SYBU: variants seen among roughly 807,000 people sequenced by gnomAD.
The protein encoded by SYBU is syntabulin.
SYBU carries 21 observed loss-of-function variants against 35.9 expected under a neutral mutation model. The ratio of observed to expected loss-of-function variants is 0.58; its 90% CI spans 0.41 to 0.84. The LOEUF (loss-of-function observed/expected upper bound fraction) is 0.84, where lower values mean the gene tolerates loss of function less well. Among genes scored for constraint, SYBU ranks in the 40% least tolerant of loss-of-function variants. The probability of loss-of-function intolerance (pLI) is 0.00; values close to 1 mark genes in which losing one functional copy is unlikely to be tolerated. For missense variants in SYBU, 768 were observed against 848.2 expected, an observed-to-expected ratio of 0.91 and a Z score of 1.17; for synonymous variants, 319 against 324.3, an observed-to-expected ratio of 0.98 and a Z score of 0.18.
intron 1 of SYBU, among the ~76,000 whole-genome samples, chr8:109,672,982 G>T (rs1158022274): frequency 6.6e-6 from 1 of 152,210 alleles, no homozygotes; most frequent in Non-Finnish European, 1.5e-5. Flanking sequence ...GCCTCTTTGG[G>T]TTCCTCCTCT....
At chr8:109,685,088 C>T (rs1168395367), upstream of SYBU, among the ~76,000 whole-genome samples, 2 of 152,172 alleles carry the variant, frequency 1.3e-5, no homozygotes, top group Admixed American at 1.3e-4. Flanking sequence ...GGCTGAGTTT[C>T]ATTCTGAATT....
intron 1 of SYBU, among the ~76,000 whole-genome samples, chr8:109,653,793 C>G (rs1158818521): frequency 6.6e-6 from 1 of 152,084 alleles, no homozygotes; most frequent in Non-Finnish European, 1.5e-5. Context: ...CAATCTCCTG[C>G]CTCCAAACCT....
intron 3 of SYBU, among the ~76,000 whole-genome samples, chr8:109,599,050 C>G (rs1249974303): frequency 6.6e-6 from 1 of 152,174 alleles, no homozygotes; most frequent in Non-Finnish European, 1.5e-5. Flanking sequence ...ACCCTCACCC[C>G]CCATCCCACC....
At chr8:109,617,788 CT>C (rs1208833679) in intron 3 of SYBU, among the ~76,000 whole-genome samples, 1 of 152,160 alleles carries the variant, frequency 6.6e-6, no homozygotes, top group Non-Finnish European at 1.5e-5. Flanking sequence ...TAGAGGATTT[CT>C]TTTTCACAGT....
chr8:109,586,329 G>C, intron 3 of SYBU, 167 bp from the exon 4 acceptor site: 1 of 595,924 alleles, frequency 1.7e-6, no homozygotes, highest in Admixed American at 3.0e-5. Context: ...GCAGTCAAGA[G>C]AAGGCCCAGT....
At chr8:109,588,328 G>A (rs1368017147) in intron 3 of SYBU, among the ~76,000 whole-genome samples, 1 of 152,154 alleles carries the variant, frequency 6.6e-6, no homozygotes, top group Non-Finnish European at 1.5e-5. Flanking sequence ...GAACTGAAAG[G>A]ACAACTTTGT....
chr8:109,690,888 T>G (rs940472567), intron 1 of SYBU, among the ~76,000 whole-genome samples: 2 of 152,120 alleles, frequency 1.3e-5, no homozygotes, highest in African/African-American at 4.8e-5. Flanking sequence ...CTTGGGACTG[T>G]CTCCCTCTTT....
In SYBU at chr8:109,618,854, G is replaced by A. The variant is rs764957865; in HGVS notation, c.415C>T (p.Leu139Phe). The change falls in exon 3 of 7, where the codon CTT (leucine) becomes TTT (phenylalanine). Residue 139 changes from leucine (L) to phenylalanine (F), a missense_variant. Coordinates refer to ENST00000276646, the MANE Select transcript of SYBU (RefSeq NM_001099754.2). ...SRYKKESKSG[L>F]VKPGSEADFS... ...TAAGTTCACTGACCTGGTTTCACAA[G>A]GCCTGACTTTGATTCCTTCTTATAT... 6 of 1,614,062 alleles carry A rather than the reference G, an allele frequency of 3.7e-6. No individual in the cohort carries two copies. In the Middle Eastern group the frequency reaches 9.9e-4, roughly 266 times the overall value.
upstream of SYBU, among the ~76,000 whole-genome samples, chr8:109,682,674 T>C (rs1817428408): frequency 6.6e-6 from 1 of 152,200 alleles, no homozygotes. Context: ...TGCAGAAATT[T>C]GCACAAGTAA....
chr8:109,580,052 C>T lies in SYBU; in HGVS notation c.531-50G>A, dbSNP rs1299547651. The T allele has an allele frequency of 1.9e-6, 3 of 1,539,442 alleles. No individual in the cohort carries two copies. In the Admixed American group the frequency reaches 5.0e-5, roughly 26 times the overall value. On this transcript the variant is annotated intron_variant, in intron 4 of 6. Transcript: ENST00000276646. ...TAAAATTCTTGGGGCTACAGATGCCCAAGGGCTAATGTCTTACTCCTTAAA... is the reference window on the plus strand; with the variant it reads ...TAAAATTCTTGGGGCTACAGATGCCTAAGGGCTAATGTCTTACTCCTTAAA...
intron 1 of SYBU, among the ~76,000 whole-genome samples, chr8:109,667,638 T>G (rs527991536): frequency 3.3e-5 from 5 of 152,298 alleles, no homozygotes; most frequent in South Asian, 4.1e-4. Context: ...TGTTCTGTTG[T>G]TGGTGGTTGT....
Position 109,577,869 on chromosome 8 carries a change from T to A in SYBU, c.883A>T (p.Arg295Trp), listed in dbSNP as rs1822527850. ...ACCGTTCAAGGAAGGCAGATTCACC[T>A]TTCATGGAGTCGGCGCTCAGATTCC... ...LKESERRLHERESEIVELKSQ... is the reference protein window; with the variant it reads ...LKESERRLHEWESEIVELKSQ... The change falls in exon 6 of 7, where the codon AGG becomes TGG. Residue 295 changes from arginine (R) to tryptophan (W), a missense_variant and splice_region_variant. Physicochemically the swap from Arg to Trp is moderately radical, Grantham distance 101. Transcript: ENST00000276646. 6.2e-7 allele frequency: 1 copy of A among 1,611,532 alleles called. No homozygotes were observed. Among genetic ancestry groups the A allele is most frequent in the African/African-American group, 1.3e-5 (1 of 74,872 alleles).
At chr8:109,581,126 G>A (rs759748569) in intron 4 of SYBU, 2 of 152,146 alleles carry the variant, frequency 1.3e-5, no homozygotes, top group African/African-American at 2.4e-5. Context: ...ATCACATGGC[G>A]TCACAACTGC....
chr8:109,663,406 A>G (rs1816644790), intron 1 of SYBU, among the ~76,000 whole-genome samples: 2 of 152,148 alleles, frequency 1.3e-5, no homozygotes, highest in South Asian at 2.1e-4. Context: ...CAGAATTCAC[A>G]TATTTCCTAG....
intron 1 of SYBU, among the ~76,000 whole-genome samples, chr8:109,678,155 AAAAAG>A (rs1318628914): frequency 8.0e-4 from 101 of 126,768 alleles, no homozygotes; most frequent in South Asian, 1.6e-3. Flanking sequence ...AAAAAAAAAA[AAAAAG>A]GAAAAGGAAA....
chr8:109,660,640 C>A (rs1439436103), intron 1 of SYBU, among the ~76,000 whole-genome samples: 1 of 150,622 alleles, frequency 6.6e-6, no homozygotes. Context: ...TGGCAATATT[C>A]TAAATAAAAA....
chr8:109,613,559 A>G (rs1811427705), intron 3 of SYBU, among the ~76,000 whole-genome samples: 1 of 151,926 alleles, frequency 6.6e-6, no homozygotes, highest in Non-Finnish European at 1.5e-5. Flanking sequence ...ACACAAAAGT[A>G]CTTTTTTTCC....
At chr8:109,686,635 T>C (rs1394290040) in intron 1 of SYBU, among the ~76,000 whole-genome samples, 1 of 152,206 alleles carries the variant, frequency 6.6e-6, no homozygotes. Flanking sequence ...CCATTCTTCA[T>C]TTATACTACC....
At chr8:109,636,551 G>C (rs757318769) in intron 2 of SYBU, among the ~76,000 whole-genome samples, 1 of 152,068 alleles carries the variant, frequency 6.6e-6, no homozygotes, top group African/African-American at 2.4e-5. Flanking sequence ...ACATGTTTTG[G>C]CGAAGGCTTG....
Sources: gnomAD v4.1 joint callset for allele counts (sites outside exome capture counted in the v4.1 genomes callset) on GRCh38, gnomAD v4.1.1 for gene constraint, MANE v1.5 for transcripts, NCBI Gene and HGNC (gene_info 2026-07-23, HGNC 2026-07-21) for gene names.